Variants in SEMA3F observed in about 807,000 individuals in gnomAD.
SEMA3F encodes semaphorin-3F.
A neutral mutation model predicts 98.5 loss-of-function variants in SEMA3F; 30 were observed. The ratio of observed to expected loss-of-function variants is 0.30; its 90% CI spans 0.23 to 0.41. The LOEUF (loss-of-function observed/expected upper bound fraction) is 0.41. Among genes scored for constraint, SEMA3F ranks in the 10% least tolerant of loss-of-function variants. The probability of loss-of-function intolerance (pLI) is 1.00; values close to 1 mark genes in which losing one functional copy is unlikely to be tolerated. For synonymous variants in SEMA3F, 380 were observed against 444.8 expected (o/e 0.85, Z 1.83); for missense variants, 866 against 1,119.3 (o/e 0.77, Z 3.23).
chr3:50,164,242 C>G, intron 2 of SEMA3F, among the ~76,000 whole-genome samples: 1 of 152,230 alleles, frequency 6.6e-6, no homozygotes, highest in Non-Finnish European at 1.5e-5. Context: ...GCCCCTCCTT[C>G]CCTGGCTCCA....
At position 50,156,953 on chromosome 3, in the gene SEMA3F, T is replaced by G. The variant is rs1698009674; in HGVS notation, c.-49+1389T>G. ...TGGCTCTGCTTCCTGGTCCTTGAGG[T>G]GTTGGGGGATGGGGAAGCTGAGGAG... On this transcript the variant is annotated intron_variant, in intron 1 of 18. Coordinates refer to ENST00000002829, the MANE Select transcript of SEMA3F (RefSeq NM_004186.5). This position sits in a 1 kb window ranked among gnomAD's most constrained non-coding sequence, Gnocchi z 4.5. Among the ~76,000 whole-genome samples the G allele has an allele frequency of 6.7e-6, 1 of 149,464 alleles. No homozygotes were observed.
rs2109043986 is a variant in SEMA3F, at chr3:50,155,715, G to A, written c.-49+151G>A. On this transcript the variant is annotated intron_variant, in intron 1 of 18. Transcript: ENST00000002829. The surrounding 1 kb of genome is among the most constrained non-coding windows in gnomAD (Gnocchi z 4.9). The stretch of plus-strand genomic sequence containing the variant: ...TGCCCGCGGACATAGGGGCAACAAG[G>A]CTGGGGTGGGATTCTTACCTGTCCT... 1 of 230,382 alleles carries A rather than the reference G, an allele frequency of 4.3e-6. No individual in the cohort carries two copies. Among genetic ancestry groups the A allele is most frequent in the South Asian group, 1.8e-4 (1 of 5,558 alleles). 14.3% of individuals were successfully genotyped at this position (230,382 alleles called of 1,614,324 possible). A position where few individuals can be genotyped will look rare whatever the true frequency, so the allele number is the denominator to read the frequency against.
At chr3:50,162,359 G>A (rs1436955331) in intron 2 of SEMA3F, among the ~76,000 whole-genome samples, 1 of 152,216 alleles carries the variant, frequency 6.6e-6, no homozygotes, top group African/African-American at 2.4e-5. Flanking sequence ...TCAGATTAGG[G>A]GGGCTCCTAT....
At chr3:50,167,217 T>G (rs1277972340) in intron 2 of SEMA3F, among the ~76,000 whole-genome samples, 1 of 152,134 alleles carries the variant, frequency 6.6e-6, no homozygotes, top group African/African-American at 2.4e-5. Context: ...AAGTTCCAAG[T>G]GGGACGTCTA....
chr3:50,185,378 G>GTACCAGC, intron 13 of SEMA3F, 65 bp from the exon 14 acceptor site: 1 of 1,470,958 alleles, frequency 6.8e-7, no homozygotes, highest in Non-Finnish European at 9.3e-7. Context: ...GGGGGAAGGG[G>GTACCAGC]CTGAGGCTGG....
chr3:50,182,174 C>T lies in SEMA3F; in HGVS notation c.644-110C>T. On this transcript the variant is annotated intron_variant, in intron 7 of 18. Coordinates refer to ENST00000002829, the MANE Select transcript of SEMA3F (RefSeq NM_004186.5). This position sits in a 1 kb window ranked among gnomAD's most constrained non-coding sequence, Gnocchi z 4.5. ...GCACTCCACTGGAGATAGGATCATG[C>T]CCCAGGGAGCCTGAGCGGGGAGATA... The T allele has an allele frequency of 1.4e-6, 2 of 1,380,182 alleles. No homozygotes were observed. Among genetic ancestry groups the T allele is most frequent in the Non-Finnish European group, 2.0e-6 (2 of 982,726 alleles). The allele number at this position is 1,380,182 out of a possible 1,614,324, so 85.5% of individuals were successfully genotyped here. A position where few individuals can be genotyped will look rare whatever the true frequency, so the allele number is the denominator to read the frequency against.
At chr3:50,171,820 G>A (rs374581785) in intron 2 of SEMA3F, among the ~76,000 whole-genome samples, 1 of 152,226 alleles carries the variant, frequency 6.6e-6, no homozygotes, top group Non-Finnish European at 1.5e-5. Flanking sequence ...CTGGACAGGC[G>A]GGTGAGGCCA....
chr3:50,185,821 A>G, intron 15 of SEMA3F, 68 bp from the exon 16 acceptor site: 1 of 1,605,706 alleles, frequency 6.2e-7, no homozygotes, highest in Non-Finnish European at 8.5e-7. Flanking sequence ...AGAGGAGCCC[A>G]GCCTAGCTGG....
In SEMA3F at chr3:50,159,714, G is replaced by A. The variant is rs765808277; in HGVS notation, c.92G>A (p.Arg31Gln). ...PTQDHLPATP[R>Q]VRLSFKELKA... Reference sequence around the variant, plus strand: ...CAGGACCACCTCCCGGCCACGCCCCGGGTCCGGCTCTCATTCAAAGGTAAG... The same window carrying A: ...CAGGACCACCTCCCGGCCACGCCCCAGGTCCGGCTCTCATTCAAAGGTAAG... The change falls in exon 2 of 19, where the codon CGG (arginine) becomes CAG (glutamine). Residue 31 changes from arginine to glutamine, a missense_variant. Coordinates refer to ENST00000002829, the MANE Select transcript of SEMA3F (RefSeq NM_004186.5). 3 of 1,611,244 alleles carry A rather than the reference G, an allele frequency of 1.9e-6. No individual in the cohort carries two copies. The highest frequency in any genetic ancestry group is 1.3e-5 in the African/African-American group (1 of 74,844).
chr3:50,174,979 G>C, intron 5 of SEMA3F, 117 bp from the exon 6 acceptor site: 1 of 707,008 alleles, frequency 1.4e-6, no homozygotes, highest in East Asian at 2.7e-5. Flanking sequence ...CGTGCTCTGG[G>C]GGGCCCACGT....
intron 2 of SEMA3F, among the ~76,000 whole-genome samples, chr3:50,169,934 C>T (rs1188261724): frequency 2.0e-5 from 3 of 152,172 alleles, no homozygotes; most frequent in African/African-American, 4.8e-5. Context: ...TTGCCCACCC[C>T]CTGCTCTGAC....
At position 50,156,306 on chromosome 3, in the gene SEMA3F, G is replaced by T. The variant is rs1204453383; in HGVS notation, c.-49+742G>T. ...TGCCCCCAGCAGATGGGACAGGAGG[G>T]TATCAAAGTTGGCCTAGGAATGAGG... On this transcript the variant is annotated intron_variant, in intron 1 of 18. Coordinates refer to ENST00000002829, the MANE Select transcript of SEMA3F (RefSeq NM_004186.5). This position sits in a 1 kb window ranked among gnomAD's most constrained non-coding sequence, Gnocchi z 4.5. 6.6e-6 allele frequency among the ~76,000 whole-genome samples: 1 copy of T among 152,246 alleles called. No individual in the cohort carries two copies. The highest frequency in any genetic ancestry group is 2.4e-5 in the African/African-American group (1 of 41,462).
intron 5 of SEMA3F, 92 bp downstream of exon 5, chr3:50,174,442 C>A: frequency 6.9e-7 from 1 of 1,459,628 alleles, no homozygotes; most frequent in Non-Finnish European, 9.2e-7. Context: ...CCCAGCCCTG[C>A]CACTTCCGAG....
Position 50,185,713 on chromosome 3 carries a change from C to T in SEMA3F, c.1587+6C>T. 1 of 1,614,176 alleles carries T rather than the reference C, an allele frequency of 6.2e-7. No homozygotes were observed. The highest frequency in any genetic ancestry group is 2.2e-5 in the East Asian group (1 of 44,890). On this transcript the variant is annotated splice_donor_region_variant and intron_variant, in intron 15 of 18. Coordinates refer to ENST00000002829, the MANE Select transcript of SEMA3F (RefSeq NM_004186.5). ...TGACCATCTCTTCTAAGAGGGTAAG[C>T]CTTTGGCGAGGTGAGCCAAGGTTGG...
chr3:50,172,371 G>C (rs1267383948), intron 2 of SEMA3F, among the ~76,000 whole-genome samples: 3 of 152,108 alleles, frequency 2.0e-5, no homozygotes, highest in Non-Finnish European at 4.4e-5. Context: ...GGGGTGGGTG[G>C]AGAGGGGGCT....
intron 2 of SEMA3F, among the ~76,000 whole-genome samples, chr3:50,171,889 A>G (rs1329051103): frequency 6.6e-6 from 1 of 152,168 alleles, no homozygotes; most frequent in African/African-American, 2.4e-5. Flanking sequence ...GCGGTTGGCC[A>G]AGGTCATCAC....
chr3:50,171,666 G>A (rs1698609526), intron 2 of SEMA3F, among the ~76,000 whole-genome samples: 1 of 152,176 alleles, frequency 6.6e-6, no homozygotes, highest in Non-Finnish European at 1.5e-5. Flanking sequence ...CCCAGCCCTG[G>A]GGGTGGGGGA....
chr3:50,168,599 C>T (rs1698491904), intron 2 of SEMA3F, among the ~76,000 whole-genome samples: 1 of 152,192 alleles, frequency 6.6e-6, no homozygotes. Context: ...AGGTCTGTGG[C>T]CATGGGCTGA....
At chr3:50,157,761 T>C (rs1281778632) in intron 1 of SEMA3F, among the ~76,000 whole-genome samples, 1 of 152,038 alleles carries the variant, frequency 6.6e-6, no homozygotes, top group Admixed American at 6.5e-5. Flanking sequence ...GTAGAAAGAC[T>C]CCCCACCTCT....
Sources: allele counts gnomAD v4.1 joint callset (sites outside exome capture counted in the v4.1 genomes callset), GRCh38; gene constraint gnomAD v4.1.1; non-coding constraint Gnocchi (gnomAD v3.1); transcripts MANE v1.5; gene names NCBI Gene and HGNC (gene_info 2026-07-23, HGNC 2026-07-21).